The following PIEZO2 variants were observed in gnomAD, a reference collection of about 807,000 sequenced individuals.
The protein encoded by PIEZO2 is piezo type mechanosensitive ion channel component 2.
A neutral mutation model predicts 337.3 loss-of-function variants in PIEZO2; 172 were observed. The ratio of observed to expected loss-of-function variants is 0.51; its 90% CI spans 0.45 to 0.58. PIEZO2 has a LOEUF of 0.58. PIEZO2 is among the 20% of genes least tolerant of loss of function. The probability of loss-of-function intolerance (pLI) is 0.00; values close to 1 mark genes in which losing one functional copy is unlikely to be tolerated. For synonymous variants in PIEZO2, 1,251 were observed against 1,228.5 expected, an observed-to-expected ratio of 1.02 and a Z score of -0.38; for missense variants, 3,028 against 3,391.3, an observed-to-expected ratio of 0.89 and a Z score of 2.66.
intron 3 of PIEZO2, among the ~76,000 whole-genome samples, chr18:10,926,133 G>T (rs978818126): frequency 2.6e-4 from 39 of 152,312 alleles, no homozygotes; most frequent in Middle Eastern, 3.4e-3. Flanking sequence ...GTGCCTACAC[G>T]AGTAGACTTG....
rs1350065489 is a variant in PIEZO2 at position 10,781,738 on chromosome 18, A to C, written c.2493-1372T>G. Reference sequence around the variant, plus strand: ...TCATACACAAGTGACATGTGCCTACATTACATCTGTGTGCATAAGCACATA... The same window carrying C: ...TCATACACAAGTGACATGTGCCTACCTTACATCTGTGTGCATAAGCACATA... On this transcript the variant is annotated intron_variant, in intron 17 of 55. Coordinates refer to ENST00000674853, the MANE Select transcript of PIEZO2 (RefSeq NM_001378183.1). The surrounding 1 kb of genome is among the most constrained non-coding windows in gnomAD (Gnocchi z 4.1). Among the ~76,000 whole-genome samples the C allele has an allele frequency of 6.6e-6, 1 of 152,142 alleles. No homozygotes were observed. Among genetic ancestry groups the C allele is most frequent in the African/African-American group, 2.4e-5 (1 of 41,412 alleles).
At chr18:10,725,521 C>A in intron 36 of PIEZO2, 3 of 1,408,500 alleles carry the variant, frequency 2.1e-6, no homozygotes, top group Middle Eastern at 2.6e-4. Flanking sequence ...AGCTGGGAGT[C>A]GTGGGAAGGA....
At chr18:11,141,599 A>C (rs904981712) in intron 1 of PIEZO2, among the ~76,000 whole-genome samples, 3 of 152,222 alleles carry the variant, frequency 2.0e-5, no homozygotes, top group African/African-American at 7.2e-5. Flanking sequence ...TGTGGACAGC[A>C]CTTGCACCCA....
chr18:11,141,280 T>C (rs1317568148), intron 1 of PIEZO2, among the ~76,000 whole-genome samples: 1 of 151,962 alleles, frequency 6.6e-6, no homozygotes, highest in African/African-American at 2.4e-5. Flanking sequence ...GACCAAGTGG[T>C]GTATTTAAGG....
intron 3 of PIEZO2, among the ~76,000 whole-genome samples, chr18:10,947,285 G>A (rs965162659): frequency 1.4e-4 from 21 of 152,250 alleles, no homozygotes; most frequent in Non-Finnish European, 2.1e-4. Context: ...TTACGTCTAA[G>A]GGAATGACAT....
At chr18:10,717,848 GT>G (rs2036078958) in intron 37 of PIEZO2, among the ~76,000 whole-genome samples, 1 of 152,100 alleles carries the variant, frequency 6.6e-6, no homozygotes, top group Admixed American at 6.5e-5. Flanking sequence ...TCCTCTCTGT[GT>G]TTTTTAAAAA....
chr18:11,090,000 T>G (rs565698007), intron 1 of PIEZO2, among the ~76,000 whole-genome samples: 75 of 152,320 alleles, frequency 4.9e-4, no homozygotes, highest in African/African-American at 1.8e-3. Context: ...GATTCTAAAG[T>G]GGGCTTCACA....
At chr18:10,852,507 G>T (rs149600774) in intron 7 of PIEZO2, among the ~76,000 whole-genome samples, 291 of 152,274 alleles carry the variant, frequency 1.9e-3, no homozygotes, top group African/African-American at 6.4e-3. Flanking sequence ...GACACAGTCA[G>T]CCACAACTAG....
Position 10,748,431 on chromosome 18 carries a change from T to C in PIEZO2, c.4424+40A>G, listed in dbSNP as rs192204487. 248 of 1,528,600 alleles carry C rather than the reference T, an allele frequency of 1.6e-4. No individual in the cohort carries two copies. The African/African-American group carries it at 3.1e-3, about 19-fold the overall frequency. 94.7% of individuals were successfully genotyped at this position (1,528,600 alleles called of 1,614,324 possible). Reference sequence around the variant, plus strand: ...ATAGTGCAATATTATTTCAGGCAAGTTTCCTGGGAGAAACCACCTGATTTC... The same window carrying C: ...ATAGTGCAATATTATTTCAGGCAAGCTTCCTGGGAGAAACCACCTGATTTC... On this transcript the variant is annotated intron_variant, in intron 30 of 55. Coordinates refer to ENST00000674853, the MANE Select transcript of PIEZO2 (RefSeq NM_001378183.1). The surrounding 1 kb of genome is among the most constrained non-coding windows in gnomAD (Gnocchi z 5.1).
intron 7 of PIEZO2, among the ~76,000 whole-genome samples, chr18:10,849,353 G>A (rs1307114770): frequency 6.6e-6 from 1 of 152,190 alleles, no homozygotes; most frequent in Non-Finnish European, 1.5e-5. Context: ...TTCTTCACAA[G>A]GACGCAGGCT....
At chr18:11,036,089 A>T (rs2036917315) in intron 2 of PIEZO2, among the ~76,000 whole-genome samples, 1 of 152,174 alleles carries the variant, frequency 6.6e-6, no homozygotes, top group South Asian at 2.1e-4. Context: ...TTCATAGGAG[A>T]TTCTAATGTG....
chr18:10,799,021 G>A lies in PIEZO2; in HGVS notation c.1378+1316C>T, dbSNP rs537068956. On this transcript the variant is annotated intron_variant, in intron 11 of 55. Transcript: ENST00000674853. ...GCTGACCTTGATTTAACCTTACTGCGGAATGTCAGATAATATGACTAACCA... is the reference window on the plus strand; with the variant it reads ...GCTGACCTTGATTTAACCTTACTGCAGAATGTCAGATAATATGACTAACCA... Among the ~76,000 whole-genome samples, 13 of 152,254 alleles carry A rather than the reference G, an allele frequency of 8.5e-5. No individual in the cohort carries two copies. In the South Asian group the frequency reaches 1.5e-3, roughly 17 times the overall value.
intron 16 of PIEZO2, among the ~76,000 whole-genome samples, chr18:10,786,765 C>CACG (rs1406406714): frequency 3.9e-5 from 6 of 152,204 alleles, no homozygotes; most frequent in Non-Finnish European, 4.4e-5. Context: ...GGGCAGAAAG[C>CACG]ACGACTAAGT....
rs1471660737 is a variant in PIEZO2 at position 10,671,696 on chromosome 18, A to G, written c.8429T>C (p.Met2810Thr). Residue 2810 changes from methionine (M) to threonine (T), a missense_variant, in exon 56 of 56, where the codon ATG becomes ACG. Transcript: ENST00000674853. Reference sequence around the variant, plus strand: ...ATCCACATTTGGAAGCTCTTCAAACATGATGGAGTGAGAAATCCCACTGAA... The same window carrying G: ...ATCCACATTTGGAAGCTCTTCAAACGTGATGGAGTGAGAAATCCCACTGAA... ...EFFSGISHSI[M>T]FEELPNVDRI... 6 of 1,614,056 alleles carry G rather than the reference A, an allele frequency of 3.7e-6. No individual in the cohort carries two copies. The highest frequency in any genetic ancestry group is 1.1e-5 in the South Asian group (1 of 91,084).
intron 9 of PIEZO2, among the ~76,000 whole-genome samples, chr18:10,802,899 G>C (rs1240180884): frequency 1.3e-5 from 2 of 150,934 alleles, no homozygotes; most frequent in Non-Finnish European, 2.9e-5. Flanking sequence ...TTGAACCCAG[G>C]AGGCAGAGGT....
intron 2 of PIEZO2, among the ~76,000 whole-genome samples, chr18:11,055,949 G>A (rs1176099119): frequency 6.6e-6 from 1 of 152,230 alleles, no homozygotes; most frequent in East Asian, 1.9e-4. Flanking sequence ...AAAGGTCCCT[G>A]CTTCAAAGAC....
rs987257263 is a variant in PIEZO2, at chr18:10,855,127, A to C, written c.917+226T>G. Among the ~76,000 whole-genome samples the C allele has an allele frequency of 6.6e-6, 1 of 152,126 alleles. No homozygotes were observed. The highest frequency in any genetic ancestry group is 1.5e-5 in the Non-Finnish European group (1 of 68,016). ...ACATGACAGCTCCCTGTCCTCCTGC[A>C]TCCCAGCGGCATCTCCATCTGAAGA... On this transcript the variant is annotated intron_variant, in intron 7 of 55. Transcript: ENST00000674853. The surrounding 1 kb of genome is among the most constrained non-coding windows in gnomAD (Gnocchi z 4.9).
chr18:10,915,182 C>T (rs1314201945), intron 3 of PIEZO2, among the ~76,000 whole-genome samples: 1 of 132,690 alleles, frequency 7.5e-6, no homozygotes, highest in Non-Finnish European at 1.6e-5. Flanking sequence ...AAGCCAGGCT[C>T]ACCCATGACC....
In PIEZO2 at chr18:10,894,840, G is replaced by T. The variant is rs2042851595; in HGVS notation, c.329+16346C>A. On this transcript the variant is annotated intron_variant, in intron 4 of 55. Coordinates refer to ENST00000674853, the MANE Select transcript of PIEZO2 (RefSeq NM_001378183.1). The surrounding 1 kb of genome is among the most constrained non-coding windows in gnomAD (Gnocchi z 4.1). ...GCCTTGGCCTCTTTTTCTGCCTTGTGCCCCTCAGTCAGATTCTTTCATCTG... is the reference window on the plus strand; with the variant it reads ...GCCTTGGCCTCTTTTTCTGCCTTGTTCCCCTCAGTCAGATTCTTTCATCTG... 1 of 152,132 alleles carries T rather than the reference G, an allele frequency of 6.6e-6. No homozygotes were observed. The highest frequency in any genetic ancestry group is 1.5e-5 in the Non-Finnish European group (1 of 68,040). The allele number at this position is 152,132 out of a possible 1,614,324, so 9.4% of individuals were successfully genotyped here.
Sources: gnomAD v4.1 joint callset for allele counts (sites outside exome capture counted in the v4.1 genomes callset) on GRCh38, gnomAD v4.1.1 for gene constraint, Gnocchi (gnomAD v3.1) non-coding constraint, MANE v1.5 for transcripts, NCBI Gene and HGNC (gene_info 2026-07-23, HGNC 2026-07-21) for gene names.